The following USP6NL variants were observed in gnomAD, a reference collection of about 807,000 sequenced individuals.
USP6NL encodes the protein USP6 N-terminal like.
USP6NL carries 26 observed loss-of-function variants against 61.9 expected under a neutral mutation model. That is an observed-to-expected ratio of 0.42 (90% CI 0.31 to 0.58). The LOEUF (loss-of-function observed/expected upper bound fraction) is 0.58. Among genes scored for constraint, USP6NL ranks in the 20% least tolerant of loss-of-function variants. The probability of loss-of-function intolerance (pLI) is 0.16; values close to 1 mark genes in which losing one functional copy is unlikely to be tolerated. For synonymous variants in USP6NL, 432 were observed against 390.1 expected, an observed-to-expected ratio of 1.11 and a Z score of -1.27; for missense variants, 1,114 against 1,034.3, an observed-to-expected ratio of 1.08 and a Z score of -1.06.
intron 1 of USP6NL, among the ~76,000 whole-genome samples, chr10:11,604,758 A>T (rs145384386): frequency 1.3e-5 from 2 of 152,358 alleles, no homozygotes; most frequent in African/African-American, 4.8e-5. Context: ...ACTACTTTGA[A>T]AATGTATTCT....
rs1366030938 is a variant in USP6NL, at chr10:11,598,871, C to G, written c.-83-1154G>C. Among the ~76,000 whole-genome samples the G allele has an allele frequency of 6.6e-6, 1 of 152,230 alleles. No individual in the cohort carries two copies. The highest frequency in any genetic ancestry group is 1.9e-4 in the East Asian group (1 of 5,200). ...TGAAAACAGACTGCATCAGCACTTA[C>G]GTGCCCAGCATGGCCCGCACACTGT... On this transcript the variant is annotated intron_variant, in intron 1 of 14. Coordinates refer to ENST00000609104, the MANE Select transcript of USP6NL (RefSeq NM_014688.5). The surrounding 1 kb of genome is among the most constrained non-coding windows in gnomAD (Gnocchi z 4.7).
At chr10:11,492,785 C>T (rs1410368916) in intron 8 of USP6NL, among the ~76,000 whole-genome samples, 2 of 152,134 alleles carry the variant, frequency 1.3e-5, no homozygotes, top group African/African-American at 4.8e-5. Flanking sequence ...GCATGGGGGT[C>T]AAGGTTATAG....
chr10:11,574,294 T>C lies in USP6NL; in HGVS notation c.4+23337A>G, dbSNP rs568402407. ...GCCTCAAAAATATCCTATAAATTCC[T>C]TGTCCTCCTCCTCACATATACACCT... is the stretch of plus-strand genomic sequence containing the variant. On this transcript the variant is annotated intron_variant, in intron 2 of 14. Transcript: ENST00000609104. This position sits in a 1 kb window ranked among gnomAD's most constrained non-coding sequence, Gnocchi z 4.3. Among the ~76,000 whole-genome samples the C allele has an allele frequency of 6.6e-6, 1 of 152,346 alleles. No individual in the cohort carries two copies. The highest frequency in any genetic ancestry group is 2.4e-5 in the African/African-American group (1 of 41,578).
chr10:11,537,387 T>TAC lies in USP6NL; in HGVS notation c.5-9821_5-9820insGT, dbSNP rs1428084057. Among the ~76,000 whole-genome samples, 4 of 152,144 alleles carry TAC rather than the reference T, an allele frequency of 2.6e-5. No individual in the cohort carries two copies. In the East Asian group the frequency reaches 7.8e-4, roughly 29 times the overall value. The stretch of plus-strand genomic sequence containing the variant: ...TTGGCCTCCCAAAGTGCTACGATTA[T>TAC]AGGCATGAGCCACAAAGCCCGGCCT... On this transcript the variant is annotated intron_variant, in intron 2 of 14. Coordinates refer to ENST00000609104, the MANE Select transcript of USP6NL (RefSeq NM_014688.5). This position sits in a 1 kb window ranked among gnomAD's most constrained non-coding sequence, Gnocchi z 5.1.
At chr10:11,543,541 CAAAAAAT>C (rs1209094617) in intron 2 of USP6NL, among the ~76,000 whole-genome samples, 3 of 146,996 alleles carry the variant, frequency 2.0e-5, no homozygotes, top group African/African-American at 7.6e-5. Flanking sequence ...GACTCCATCT[CAAAAAAT>C]AAAAAAGAAA....
chr10:11,485,129 T>G lies in USP6NL; in HGVS notation c.825+40A>C. The G allele has an allele frequency of 6.5e-7, 1 of 1,536,492 alleles. No homozygotes were observed. Among genetic ancestry groups the G allele is most frequent in the Non-Finnish European group, 8.8e-7 (1 of 1,141,612 alleles). On this transcript the variant is annotated intron_variant, in intron 12 of 14. Transcript: ENST00000609104. The surrounding 1 kb of genome is among the most constrained non-coding windows in gnomAD (Gnocchi z 4.8). ...GTTAACAGCTTCCCCTCACCTTGTATTTATAATTTTATGACTGAGTTTTGT... is the reference window on the plus strand; with the variant it reads ...GTTAACAGCTTCCCCTCACCTTGTAGTTATAATTTTATGACTGAGTTTTGT...
Position 11,548,682 on chromosome 10 carries a change from A to G in USP6NL, c.5-21115T>C, listed in dbSNP as rs577780087. Among the ~76,000 whole-genome samples, 2 of 152,194 alleles carry G rather than the reference A, an allele frequency of 1.3e-5. No individual in the cohort carries two copies. Among genetic ancestry groups the G allele is most frequent in the Non-Finnish European group, 2.9e-5 (2 of 68,014 alleles). On this transcript the variant is annotated intron_variant, in intron 2 of 14. Coordinates refer to ENST00000609104, the MANE Select transcript of USP6NL (RefSeq NM_014688.5). This position sits in a 1 kb window ranked among gnomAD's most constrained non-coding sequence, Gnocchi z 4.3. ...CCCACTGGCAAAGACTTTCATTCTG[A>G]TAAACATCAACAAATTAATTTAACT...
intron 2 of USP6NL, among the ~76,000 whole-genome samples, chr10:11,569,423 A>C (rs894633672): frequency 9.9e-5 from 15 of 152,266 alleles, no homozygotes; most frequent in African/African-American, 3.6e-4. Context: ...TATTGCAATT[A>C]ACATTTATTG....
At position 11,462,823 on chromosome 10, in the gene USP6NL, G is replaced by T; in HGVS notation, c.2105C>A (p.Pro702His). 2 of 1,614,024 alleles carry T rather than the reference G, an allele frequency of 1.2e-6. No homozygotes were observed. Among genetic ancestry groups the T allele is most frequent in the South Asian group, 2.2e-5 (2 of 91,086 alleles). The change falls in exon 15 of 15, where the codon CCT (proline) becomes CAT (histidine). Residue 702 changes from proline to histidine, a missense_variant. Physicochemically the swap from Pro to His is moderately conservative, Grantham distance 77 (BLOSUM62 -2). Coordinates refer to ENST00000609104, the MANE Select transcript of USP6NL (RefSeq NM_014688.5). ...VLPSSRIEVLPVDTGAGGYSG... is the reference protein window; with the variant it reads ...VLPSSRIEVLHVDTGAGGYSG... ...ATATCCCCCAGCACCAGTGTCAACA[G>T]GGAGGACTTCTATTCGACTAGACGG... is the stretch of plus-strand genomic sequence containing the variant.
At position 11,460,616 on chromosome 10, in the gene USP6NL, A is replaced by T. The variant is rs1268921701; in HGVS notation, c.*1825T>A. ...AAATAGTGCTTGTGTGTATATATAT[A>T]TTTTTTGCATATATATATATATATA... is the stretch of plus-strand genomic sequence containing the variant. On this transcript the variant is annotated 3_prime_UTR_variant, in exon 15 of 15. Coordinates refer to ENST00000609104, the MANE Select transcript of USP6NL (RefSeq NM_014688.5). 8.1e-6 allele frequency: 1 copy of T among 124,062 alleles called. No homozygotes were observed. Among genetic ancestry groups the T allele is most frequent in the Non-Finnish European group, 1.6e-5 (1 of 61,392 alleles). 7.7% of individuals were successfully genotyped at this position (124,062 alleles called of 1,614,324 possible).
In USP6NL at chr10:11,485,103, G is replaced by A. The variant is rs1302798366; in HGVS notation, c.826-33C>T. Reference sequence around the variant, plus strand: ...TAAAAGCAAAACAAAACAAAAATAGGGTTAACAGCTTCCCCTCACCTTGTA... The same window carrying A: ...TAAAAGCAAAACAAAACAAAAATAGAGTTAACAGCTTCCCCTCACCTTGTA... On this transcript the variant is annotated intron_variant, in intron 12 of 14. Transcript: ENST00000609104. This position sits in a 1 kb window ranked among gnomAD's most constrained non-coding sequence, Gnocchi z 4.8. 2 of 1,536,890 alleles carry A rather than the reference G, an allele frequency of 1.3e-6. No individual in the cohort carries two copies. Among genetic ancestry groups the A allele is most frequent in the Non-Finnish European group, 1.8e-6 (2 of 1,141,226 alleles).
At chr10:11,570,559 G>T (rs1211033871) in intron 2 of USP6NL, among the ~76,000 whole-genome samples, 1 of 152,244 alleles carries the variant, frequency 6.6e-6, no homozygotes, top group African/African-American at 2.4e-5. Flanking sequence ...AAATGAATTT[G>T]AATTAAGAAA....
At chr10:11,578,941 G>A (rs1046877113) in intron 2 of USP6NL, among the ~76,000 whole-genome samples, 1 of 152,106 alleles carries the variant, frequency 6.6e-6, no homozygotes, top group Non-Finnish European at 1.5e-5. Context: ...TGACTGTGGT[G>A]GGTGTTTTTA....
rs2096224386 is a variant in USP6NL at position 11,463,205 on chromosome 10, G to T, written c.1723C>A (p.Gln575Lys). 1 of 1,613,290 alleles carries T rather than the reference G, an allele frequency of 6.2e-7. No homozygotes were observed. The highest frequency in any genetic ancestry group is 1.3e-5 in the African/African-American group (1 of 74,944). The change falls in exon 15 of 15, where the codon CAG (glutamine) becomes AAG (lysine). Residue 575 changes from glutamine to lysine, a missense_variant. Physicochemically the swap from Gln to Lys is moderately conservative, Grantham distance 53. Transcript: ENST00000609104. The surrounding 1 kb of genome is among the most constrained non-coding windows in gnomAD (Gnocchi z 6.3). ...GGGTAAAGGGCATGCCGGGGGCTCT[G>T]GGAGTAAGCCCTTTCCAGCGCCTCC... ...VEEALERAYS[Q>K]SPRHALYPPS...
chr10:11,522,273 G>C (rs898309264), intron 4 of USP6NL, among the ~76,000 whole-genome samples: 1 of 152,144 alleles, frequency 6.6e-6, no homozygotes, highest in Non-Finnish European at 1.5e-5. Flanking sequence ...CCATTTTATT[G>C]TATTAACATT....
Position 11,476,935 on chromosome 10 carries a change from G to A in USP6NL, c.1078+4835C>T, listed in dbSNP as rs576537100. Among the ~76,000 whole-genome samples, 22 of 152,204 alleles carry A rather than the reference G, an allele frequency of 1.4e-4. No individual in the cohort carries two copies. The East Asian group carries it at 2.1e-3, about 15-fold the overall frequency. ...CACCCAGGCTGAAGTGCAGTGGTGC[G>A]ATCTTGACTCACTGCAACCTCCGCC... On this transcript the variant is annotated intron_variant, in intron 14 of 14. Transcript: ENST00000609104. The surrounding 1 kb of genome is among the most constrained non-coding windows in gnomAD (Gnocchi z 4.3).
intron 2 of USP6NL, among the ~76,000 whole-genome samples, chr10:11,579,387 C>T (rs1350705182): frequency 6.6e-6 from 1 of 152,154 alleles, no homozygotes; most frequent in Non-Finnish European, 1.5e-5. Context: ...TAGAGTGTGG[C>T]CTCATTAATA....
chr10:11,583,166 C>T (rs1426337607), intron 2 of USP6NL, among the ~76,000 whole-genome samples: 1 of 150,056 alleles, frequency 6.7e-6, no homozygotes, highest in Non-Finnish European at 1.5e-5. Flanking sequence ...CTCTAATTTA[C>T]ATATTATTAT....
chr10:11,533,514 C>G (rs1038420007), intron 2 of USP6NL, among the ~76,000 whole-genome samples: 1 of 152,132 alleles, frequency 6.6e-6, no homozygotes, highest in Non-Finnish European at 1.5e-5. Flanking sequence ...TCACAAGAAT[C>G]CTTCTGAACA....
Sources: allele counts gnomAD v4.1 joint callset (sites outside exome capture counted in the v4.1 genomes callset), GRCh38; gene constraint gnomAD v4.1.1; non-coding constraint Gnocchi (gnomAD v3.1); transcripts MANE v1.5; gene names NCBI Gene and HGNC (gene_info 2026-07-23, HGNC 2026-07-21).